CNTN5: variants seen among roughly 807,000 people sequenced by gnomAD.
CNTN5 encodes contactin 5.
A neutral mutation model predicts 129.1 loss-of-function variants in CNTN5; 77 were observed. That is an observed-to-expected ratio of 0.60 (90% CI 0.50 to 0.72). CNTN5 has a LOEUF of 0.72. Ranked by LOEUF, CNTN5 falls within the 30% of genes least tolerant of loss-of-function variation. CNTN5 has a pLI of 0.00. For missense variants in CNTN5, 1,478 were observed against 1,328.8 expected (o/e 1.11, Z -1.75); for synonymous variants, 509 against 465.6 (o/e 1.09, Z -1.20).
chr11:99,980,308 G>C (rs1169172024), intron 8 of CNTN5, among the ~76,000 whole-genome samples: 1 of 152,150 alleles, frequency 6.6e-6, no homozygotes, highest in Non-Finnish European at 1.5e-5. Flanking sequence ...TAATGAAATT[G>C]CTTGCTTCCT....
chr11:99,783,672 G>A (rs1390755729), intron 3 of CNTN5, among the ~76,000 whole-genome samples: 2 of 140,864 alleles, frequency 1.4e-5, no homozygotes, highest in East Asian at 4.4e-4. Context: ...CCTTTGTAGG[G>A]ACATGGATGA....
chr11:99,347,077 A>G (rs1055694223), intron 2 of CNTN5, among the ~76,000 whole-genome samples: 3 of 152,212 alleles, frequency 2.0e-5, no homozygotes, highest in African/African-American at 7.2e-5. Flanking sequence ...CAGATCTGAG[A>G]GGCAGAGAGT....
At chr11:99,077,758 G>A (rs951268173) in intron 1 of CNTN5, among the ~76,000 whole-genome samples, 1 of 152,142 alleles carries the variant, frequency 6.6e-6, no homozygotes, top group Admixed American at 6.5e-5. Context: ...CAGGAGATCT[G>A]ATGGTTTATA....
chr11:100,189,016 G>C (rs1344019956), intron 13 of CNTN5, among the ~76,000 whole-genome samples: 5 of 152,084 alleles, frequency 3.3e-5, no homozygotes, highest in African/African-American at 1.2e-4. Flanking sequence ...TCTTAAGTGG[G>C]AGGTAAACAA....
intron 3 of CNTN5, among the ~76,000 whole-genome samples, chr11:99,776,887 A>G (rs185341613): frequency 1.3e-5 from 2 of 152,098 alleles, no homozygotes; most frequent in Non-Finnish European, 2.9e-5. Flanking sequence ...AGCAACTGGT[A>G]AAGTTCAGGA....
intron 3 of CNTN5, among the ~76,000 whole-genome samples, chr11:99,809,451 C>A (rs1025231047): frequency 1.3e-5 from 2 of 152,086 alleles, no homozygotes; most frequent in Non-Finnish European, 1.5e-5. Flanking sequence ...ATATAATAAT[C>A]ATTTCACGTT....
At chr11:99,164,510 T>A (rs1204908782) in intron 1 of CNTN5, among the ~76,000 whole-genome samples, 1 of 152,164 alleles carries the variant, frequency 6.6e-6, no homozygotes, top group African/African-American at 2.4e-5. Flanking sequence ...TGCTTCATTT[T>A]TAGAACTCCT....
At chr11:99,036,206 T>G (rs943251889) in intron 1 of CNTN5, among the ~76,000 whole-genome samples, 2 of 152,084 alleles carry the variant, frequency 1.3e-5, no homozygotes, top group Admixed American at 6.6e-5. Context: ...GGATAAATAT[T>G]AATTTAGAAG....
chr11:100,323,609 C>A (rs1951736489), intron 21 of CNTN5, among the ~76,000 whole-genome samples: 2 of 150,676 alleles, frequency 1.3e-5, no homozygotes. Flanking sequence ...GGGATATTTT[C>A]TTTCTGTCAG....
intron 9 of CNTN5, among the ~76,000 whole-genome samples, chr11:100,010,875 C>A (rs879666523): frequency 6.6e-6 from 1 of 152,106 alleles, no homozygotes; most frequent in Admixed American, 6.6e-5. Context: ...AAATGCCCCT[C>A]CTCCATTAAT....
At chr11:99,166,889 A>G (rs1860900975) in intron 1 of CNTN5, among the ~76,000 whole-genome samples, 1 of 151,986 alleles carries the variant, frequency 6.6e-6, no homozygotes, top group Non-Finnish European at 1.5e-5. Flanking sequence ...GAAAAAATCC[A>G]CACGAAACAG....
At chr11:99,286,184 T>C (rs569057832) in intron 1 of CNTN5, among the ~76,000 whole-genome samples, 1 of 152,324 alleles carries the variant, frequency 6.6e-6, no homozygotes, top group East Asian at 1.9e-4. Context: ...CTTCTGTTGT[T>C]ATACAAAAAG....
chr11:99,555,154 GA>G (rs1259020477), intron 2 of CNTN5, among the ~76,000 whole-genome samples: 4 of 151,936 alleles, frequency 2.6e-5, no homozygotes, highest in African/African-American at 4.8e-5. Context: ...CTAGCTAGGG[GA>G]AAAAATACGT....
intron 23 of CNTN5, among the ~76,000 whole-genome samples, chr11:100,344,920 TATA>T (rs141719613): frequency 0.011 from 1,600 of 152,216 alleles, 26 homozygotes; most frequent in African/African-American, 0.037. Context: ...TTCCATGGAA[TATA>T]ATAAGAACAC....
chr11:99,870,313 A>C (rs1948469794), intron 6 of CNTN5, among the ~76,000 whole-genome samples: 1 of 152,110 alleles, frequency 6.6e-6, no homozygotes, highest in Admixed American at 6.6e-5. Flanking sequence ...ATGGTTTCCA[A>C]ACAGCCACTG....
At chr11:99,168,693 T>C (rs1484993361) in intron 1 of CNTN5, among the ~76,000 whole-genome samples, 2 of 152,192 alleles carry the variant, frequency 1.3e-5, no homozygotes, top group Admixed American at 6.5e-5. Flanking sequence ...ATTTTTTCAC[T>C]GAATTATCAC....
At chr11:99,977,268 C>G (rs765481017) in intron 8 of CNTN5, among the ~76,000 whole-genome samples, 1 of 152,196 alleles carries the variant, frequency 6.6e-6, no homozygotes, top group Non-Finnish European at 1.5e-5. Flanking sequence ...CAAAACCATT[C>G]ATCAAGTCTC....
chr11:99,261,117 T>C (rs905613094), intron 1 of CNTN5, among the ~76,000 whole-genome samples: 1 of 151,942 alleles, frequency 6.6e-6, no homozygotes, highest in South Asian at 2.1e-4. Flanking sequence ...CTAAAATACA[T>C]GCATATTATA....
intron 3 of CNTN5, among the ~76,000 whole-genome samples, chr11:99,659,283 G>T (rs1367849658): frequency 6.6e-6 from 1 of 152,192 alleles, no homozygotes; most frequent in African/African-American, 2.4e-5. Context: ...ATCATAAGAT[G>T]TGGAGAGATC....
Sources: allele counts gnomAD v4.1 joint callset (sites outside exome capture counted in the v4.1 genomes callset), GRCh38; gene constraint gnomAD v4.1.1; transcripts MANE v1.5; gene names NCBI Gene and HGNC (gene_info 2026-07-23, HGNC 2026-07-21).